The following RAD51B variants were observed in gnomAD, a reference collection of about 807,000 sequenced individuals.
RAD51B encodes the protein DNA repair protein RAD51 homolog 2.
RAD51B carries 38 observed loss-of-function variants against 42.2 expected under a neutral mutation model. That is an observed-to-expected ratio of 0.90 (90% CI 0.70 to 1.18). The LOEUF is 1.18. Ranked by LOEUF, RAD51B falls within the 50% of genes most tolerant of loss-of-function variation. RAD51B has a pLI of 0.00. For synonymous variants in RAD51B, 154 were observed against 145.2 expected, an observed-to-expected ratio of 1.06 and a Z score of -0.43; for missense variants, 373 against 400.7, an observed-to-expected ratio of 0.93 and a Z score of 0.59.
chr14:68,613,709 C>A (rs928748598), downstream of RAD51B, among the ~76,000 whole-genome samples: 1 of 152,106 alleles, frequency 6.6e-6, no homozygotes, highest in Non-Finnish European at 1.5e-5. Flanking sequence ...CCGCCTTGAC[C>A]TCCCAAAGTG....
chr14:68,276,333 C>T (rs985621246), intron 7 of RAD51B, among the ~76,000 whole-genome samples: 11 of 152,180 alleles, frequency 7.2e-5, no homozygotes, highest in Admixed American at 4.6e-4. Flanking sequence ...TCATACCTTC[C>T]CATCTCCTAG....
intron 11 of RAD51B, among the ~76,000 whole-genome samples, chr14:68,659,815 G>T (rs1892897150): frequency 6.6e-6 from 1 of 152,264 alleles, no homozygotes; most frequent in African/African-American, 2.4e-5. Context: ...CTCCCCAAAA[G>T]TTCTGGGGCA....
At chr14:68,261,104 A>G (rs2080879201) in intron 7 of RAD51B, among the ~76,000 whole-genome samples, 1 of 152,226 alleles carries the variant, frequency 6.6e-6, no homozygotes, top group African/African-American at 2.4e-5. Flanking sequence ...TTGGTCACGA[A>G]GACCCTTGCA....
chr14:68,465,953 AATAAATAAAT>A (rs767230516), intron 9 of RAD51B, among the ~76,000 whole-genome samples: 7 of 37,302 alleles, frequency 1.9e-4, no homozygotes, highest in Non-Finnish European at 3.2e-4. Context: ...AAAAAAAAAA[AATAAATAAAT>A]AAATAAATAA....
chr14:68,542,787 C>G (rs1429045670), intron 10 of RAD51B, among the ~76,000 whole-genome samples: 2 of 152,084 alleles, frequency 1.3e-5, no homozygotes, highest in African/African-American at 2.4e-5. Context: ...ATTTCGAGAC[C>G]AGATGTCTAC....
intron 7 of RAD51B, among the ~76,000 whole-genome samples, chr14:67,938,656 A>G (rs1250087598): frequency 1.3e-5 from 2 of 152,216 alleles, no homozygotes. Context: ...TTTGTAGATG[A>G]TGCTGTATTT....
intron 7 of RAD51B, among the ~76,000 whole-genome samples, chr14:68,244,452 A>C (rs970381631): frequency 6.6e-6 from 1 of 152,218 alleles, no homozygotes; most frequent in African/African-American, 2.4e-5. Flanking sequence ...GATGGAGCAA[A>C]CACCCAGACA....
chr14:68,124,344 T>C (rs892068707), intron 7 of RAD51B, among the ~76,000 whole-genome samples: 1 of 152,216 alleles, frequency 6.6e-6, no homozygotes, highest in African/African-American at 2.4e-5. Context: ...ATAGTATTGG[T>C]ACCTGTCTTA....
intron 9 of RAD51B, among the ~76,000 whole-genome samples, chr14:68,414,986 T>C (rs1370854810): frequency 8.0e-6 from 1 of 125,336 alleles, no homozygotes; most frequent in African/African-American, 3.1e-5. Context: ...GAGTAGAGAG[T>C]GTGCCACTGC....
chr14:67,844,639 G>GT (rs2041549562), intron 4 of RAD51B, among the ~76,000 whole-genome samples: 1 of 148,654 alleles, frequency 6.7e-6, no homozygotes, highest in East Asian at 1.9e-4. Flanking sequence ...TTTTATTATA[G>GT]TTTAAGTTCT....
At chr14:68,282,724 C>T (rs2081342963) in intron 7 of RAD51B, among the ~76,000 whole-genome samples, 1 of 152,200 alleles carries the variant, frequency 6.6e-6, no homozygotes, top group Non-Finnish European at 1.5e-5. Flanking sequence ...GTGGCCTTTG[C>T]TCCCATTTTA....
At chr14:67,946,534 A>G (rs1272954416) in intron 7 of RAD51B, among the ~76,000 whole-genome samples, 1 of 152,152 alleles carries the variant, frequency 6.6e-6, no homozygotes, top group East Asian at 1.9e-4. Context: ...TGCCCAGCTG[A>G]TTTTTGTATT....
chr14:68,530,446 CAAAAAAAAAAA>C (rs35454756), intron 10 of RAD51B, among the ~76,000 whole-genome samples: 2 of 67,844 alleles, frequency 2.9e-5, no homozygotes, highest in Non-Finnish European at 5.7e-5. Context: ...GACCCTGTCT[CAAAAAAAAAAA>C]AAAAAAAAAA....
At chr14:67,912,869 C>A (rs2044032396) in intron 7 of RAD51B, among the ~76,000 whole-genome samples, 2 of 151,968 alleles carry the variant, frequency 1.3e-5, no homozygotes, top group Non-Finnish European at 1.5e-5. Context: ...CCATGCCCGG[C>A]TAATTTTTGT....
chr14:68,371,165 A>C (rs2877461), intron 8 of RAD51B, among the ~76,000 whole-genome samples: 67,163 of 151,606 alleles, frequency 0.44, 16,666 homozygotes, highest in South Asian at 0.59. Context: ...AGGCCAAAAA[A>C]ATCTAGAATG....
chr14:68,215,460 A>G (rs115894258), intron 7 of RAD51B, among the ~76,000 whole-genome samples: 1 of 152,238 alleles, frequency 6.6e-6, no homozygotes, highest in Non-Finnish European at 1.5e-5. Flanking sequence ...TCTGAGCACC[A>G]ATCTGTTCCA....
chr14:68,477,930 TA>T lies in RAD51B; in HGVS notation c.*268del. ...CGCCATGGGATGTCAACAGCCATAA[TA>T]ATAATTTGCACTTATATAGCACCTT... On this transcript the variant is annotated 3_prime_UTR_variant, in exon 11 of 11. Coordinates refer to ENST00000471583, the MANE Select transcript of RAD51B (RefSeq NM_133510.4). 1.6e-6 allele frequency: 2 copies of T among 1,271,426 alleles called. No individual in the cohort carries two copies. Among genetic ancestry groups the T allele is most frequent in the African/African-American group, 1.5e-5 (1 of 65,444 alleles). 78.8% of individuals were successfully genotyped at this position (1,271,426 alleles called of 1,614,324 possible).
intron 10 of RAD51B, among the ~76,000 whole-genome samples, chr14:68,491,614 G>C (rs1460924124): frequency 6.6e-6 from 1 of 152,192 alleles, no homozygotes; most frequent in Non-Finnish European, 1.5e-5. Flanking sequence ...CTTAGTCCAA[G>C]TGGGGGGGCA....
rs189990612 is a variant in RAD51B at position 68,267,283 on chromosome 14, G to A, written c.757-24601G>A. Among the ~76,000 whole-genome samples, 11 of 152,254 alleles carry A rather than the reference G, an allele frequency of 7.2e-5. No homozygotes were observed. The East Asian group carries it at 2.1e-3, about 29-fold the overall frequency. On this transcript the variant is annotated intron_variant, in intron 7 of 10. Transcript: ENST00000471583. ...GAGTAGCCCTAATAATAGGAAAACC[G>A]TGACAACCGCAGATATTAAAAACAT...
Sources: gnomAD v4.1 joint callset for allele counts (sites outside exome capture counted in the v4.1 genomes callset) on GRCh38, gnomAD v4.1.1 for gene constraint, MANE v1.5 for transcripts, NCBI Gene and HGNC (gene_info 2026-07-23, HGNC 2026-07-21) for gene names.